The following PTPRD variants were observed in gnomAD, a reference collection of about 807,000 sequenced individuals.
PTPRD encodes protein tyrosine phosphatase receptor type D, also known as receptor-type tyrosine-protein phosphatase delta.
In PTPRD, 34 loss-of-function variants were observed where a neutral mutation model predicts 214.5. The observed-to-expected ratio is 0.16, with a 90% CI of 0.12 to 0.21. The LOEUF is 0.21. Ranked by LOEUF, PTPRD falls within the 10% of genes least tolerant of loss-of-function variation. The pLI, the probability that PTPRD is intolerant of heterozygous loss-of-function variation, is 1.00. For synonymous variants in PTPRD, 1,128 were observed against 845.7 expected (o/e 1.33, Z -5.79); for missense variants, 2,545 against 2,398.7 (o/e 1.06, Z -1.27).
chr9:9,775,121 A>G (rs779456324), intron 5 of PTPRD, among the ~76,000 whole-genome samples: 1 of 152,212 alleles, frequency 6.6e-6, no homozygotes, highest in Non-Finnish European at 1.5e-5. Context: ...AGTCTGTAAC[A>G]GGCATTTACG....
chr9:8,983,762 C>A (rs1403668796), intron 11 of PTPRD, among the ~76,000 whole-genome samples: 1 of 151,938 alleles, frequency 6.6e-6, no homozygotes, highest in African/African-American at 2.4e-5. Flanking sequence ...AAAGATCCTC[C>A]CACCTCCACC....
intron 5 of PTPRD, among the ~76,000 whole-genome samples, chr9:9,895,594 G>A (rs927052839): frequency 6.6e-6 from 1 of 152,030 alleles, no homozygotes; most frequent in Non-Finnish European, 1.5e-5. Flanking sequence ...GATGGTTACA[G>A]GAGAGGGAGG....
chr9:10,477,604 C>T (rs1164954379), intron 2 of PTPRD, among the ~76,000 whole-genome samples: 1 of 152,004 alleles, frequency 6.6e-6, no homozygotes, highest in Admixed American at 6.6e-5. Flanking sequence ...CCAGAAATAC[C>T]ATTTGACCCA....
chr9:8,498,572 C>G (rs1363139742), intron 25 of PTPRD, among the ~76,000 whole-genome samples: 2 of 152,204 alleles, frequency 1.3e-5, no homozygotes, highest in Non-Finnish European at 2.9e-5. Flanking sequence ...CCGCAGTTTT[C>G]AACTTGCTTC....
chr9:10,609,720 C>A (rs2080452556), intron 2 of PTPRD, among the ~76,000 whole-genome samples: 1 of 152,070 alleles, frequency 6.6e-6, no homozygotes, highest in African/African-American at 2.4e-5. Context: ...AATAGCTCAA[C>A]CTTCCAATAT....
At chr9:9,375,347 C>A (rs999100147) in intron 9 of PTPRD, among the ~76,000 whole-genome samples, 5 of 152,136 alleles carry the variant, frequency 3.3e-5, no homozygotes, top group African/African-American at 1.2e-4. Context: ...GCTATAATCA[C>A]AGAACTTTGG....
intron 11 of PTPRD, among the ~76,000 whole-genome samples, chr9:8,784,312 G>T (rs1315029371): frequency 6.6e-6 from 1 of 152,152 alleles, no homozygotes; most frequent in African/African-American, 2.4e-5. Context: ...AAGGTTCCCA[G>T]TTTTAAATAA....
intron 8 of PTPRD, among the ~76,000 whole-genome samples, chr9:9,462,603 GTGGCC>G (rs2093759646): frequency 6.6e-6 from 1 of 152,080 alleles, no homozygotes; most frequent in African/African-American, 2.4e-5. Context: ...CTCCTCCAGG[GTGGCC>G]TGTTCTAGTT....
intron 10 of PTPRD, among the ~76,000 whole-genome samples, chr9:9,093,393 A>T (rs2099779018): frequency 6.6e-6 from 1 of 152,076 alleles, no homozygotes; most frequent in African/African-American, 2.4e-5. Context: ...GTTTATTCAA[A>T]TGCCCAAGAA....
At chr9:8,984,133 A>G (rs1267029574) in intron 11 of PTPRD, among the ~76,000 whole-genome samples, 1 of 152,102 alleles carries the variant, frequency 6.6e-6, no homozygotes, top group Non-Finnish European at 1.5e-5. Context: ...TCCTAATTGC[A>G]GTGACATCAT....
intron 8 of PTPRD, among the ~76,000 whole-genome samples, chr9:9,563,772 T>C (rs2083570919): frequency 6.6e-6 from 1 of 152,186 alleles, no homozygotes; most frequent in Non-Finnish European, 1.5e-5. Context: ...TACATTGGTA[T>C]GCCCAAGTAA....
chr9:8,482,664 T>C lies in PTPRD; in HGVS notation c.3413+1455A>G, dbSNP rs1406956858. ...TTGAAATGTTATCATGCCACTCTCCTGTGTAAAGAGCTGTAATGGGTTGCC... is the reference window on the plus strand; with the variant it reads ...TTGAAATGTTATCATGCCACTCTCCCGTGTAAAGAGCTGTAATGGGTTGCC... On this transcript the variant is annotated intron_variant, in intron 30 of 45. Transcript: ENST00000381196. Among the ~76,000 whole-genome samples the C allele has an allele frequency of 3.9e-5, 6 of 152,206 alleles. No homozygotes were observed. The East Asian group carries it at 9.6e-4, about 24-fold the overall frequency.
At chr9:9,365,014 A>G (rs943816476) in intron 9 of PTPRD, among the ~76,000 whole-genome samples, 1 of 151,484 alleles carries the variant, frequency 6.6e-6, no homozygotes, top group Non-Finnish European at 1.5e-5. Context: ...GATGAACTGG[A>G]TATGACTGTG....
chr9:8,511,180 C>T (rs1243539969), intron 21 of PTPRD, among the ~76,000 whole-genome samples: 1 of 152,106 alleles, frequency 6.6e-6, no homozygotes, highest in Non-Finnish European at 1.5e-5. Context: ...GTGCTCCTTC[C>T]ACCTCAGCCC....
chr9:8,892,090 A>G lies in PTPRD; in HGVS notation c.-104+126607T>C, dbSNP rs111551369. 7.1e-3 allele frequency among the ~76,000 whole-genome samples: 1,082 copies of G among 152,190 alleles called. 23 individuals carry two copies. The highest frequency in any genetic ancestry group is 0.024 in the African/African-American group (1,011 of 41,514). On this transcript the variant is annotated intron_variant, in intron 11 of 45. Transcript: ENST00000381196. Reference sequence around the variant, plus strand: ...AGGTTTGGGAGATGAAAGGAAAGAAACAGAATTCCACTCCGGGCTTCTTCT... The same window carrying G: ...AGGTTTGGGAGATGAAAGGAAAGAAGCAGAATTCCACTCCGGGCTTCTTCT...
intron 9 of PTPRD, among the ~76,000 whole-genome samples, chr9:9,352,913 C>T (rs184165003): frequency 1.2e-4 from 18 of 152,020 alleles, no homozygotes; most frequent in African/African-American, 3.9e-4. Flanking sequence ...TTATAGAAAA[C>T]GCTAAATTTA....
intron 9 of PTPRD, among the ~76,000 whole-genome samples, chr9:9,224,381 C>T (rs535893728): frequency 1.3e-5 from 2 of 152,102 alleles, no homozygotes; most frequent in South Asian, 2.1e-4. Flanking sequence ...ATTGCGTAAA[C>T]TTCATTTTCA....
At chr9:9,045,765 T>C (rs895758493) in intron 10 of PTPRD, among the ~76,000 whole-genome samples, 3 of 152,158 alleles carry the variant, frequency 2.0e-5, no homozygotes, top group Non-Finnish European at 4.4e-5. Flanking sequence ...TGTTGGGTCC[T>C]GGAAACATTT....
chr9:8,592,914 A>C (rs1353782351), intron 14 of PTPRD, among the ~76,000 whole-genome samples: 1 of 152,258 alleles, frequency 6.6e-6, no homozygotes, highest in Non-Finnish European at 1.5e-5. Context: ...GAGGTTTGAC[A>C]GAAAGAATCA....
Sources: gnomAD v4.1 joint callset for allele counts (sites outside exome capture counted in the v4.1 genomes callset) on GRCh38, gnomAD v4.1.1 for gene constraint, MANE v1.5 for transcripts, NCBI Gene and HGNC (gene_info 2026-07-23, HGNC 2026-07-21) for gene names.